ZMIZ1: variants seen among roughly 807,000 people sequenced by gnomAD.
ZMIZ1 encodes the protein zinc finger MIZ-type containing 1, also known as zinc finger MIZ domain-containing protein 1.
Under a neutral mutation model 113.9 loss-of-function variants are expected in ZMIZ1, and 17 were observed. The observed-to-expected ratio is 0.15, with a 90% CI of 0.10 to 0.22. ZMIZ1 has a LOEUF of 0.22. Ranked by LOEUF, ZMIZ1 falls within the 10% of genes least tolerant of loss-of-function variation. The pLI, the probability that ZMIZ1 is intolerant of heterozygous loss-of-function variation, is 1.00. For synonymous variants in ZMIZ1, 607 were observed against 603.1 expected, an observed-to-expected ratio of 1.01 and a Z score of -0.09; for missense variants, 1,059 against 1,477.8, an observed-to-expected ratio of 0.72 and a Z score of 4.65.
chr10:79,079,324 A>G (rs1291771163), intron 1 of ZMIZ1, among the ~76,000 whole-genome samples: 1 of 152,172 alleles, frequency 6.6e-6, no homozygotes, highest in Non-Finnish European at 1.5e-5. Context: ...GCCTTTGCAA[A>G]CGTGCACTTT....
chr10:79,296,432 A>G lies in ZMIZ1; in HGVS notation c.1231-39A>G. 6.2e-7 allele frequency: 1 copy of G among 1,610,408 alleles called. No individual in the cohort carries two copies. Among genetic ancestry groups the G allele is most frequent in the Non-Finnish European group, 8.5e-7 (1 of 1,177,520 alleles). On this transcript the variant is annotated intron_variant, in intron 12 of 24. Transcript: ENST00000334512. The surrounding 1 kb of genome is among the most constrained non-coding windows in gnomAD (Gnocchi z 4.1). ...GACCTGGCTATGTGACGTTGGCAAC[A>G]TTGAACGTGTTTCCCCTCTCCTTTC...
At chr10:79,086,636 C>T (rs567057361) in intron 1 of ZMIZ1, among the ~76,000 whole-genome samples, 1 of 152,330 alleles carries the variant, frequency 6.6e-6, no homozygotes, top group South Asian at 2.1e-4. Context: ...ACCTCTGCCT[C>T]CTGCTGGGAC....
At chr10:79,123,337 T>C (rs775004126) in intron 2 of ZMIZ1, among the ~76,000 whole-genome samples, 3 of 152,180 alleles carry the variant, frequency 2.0e-5, no homozygotes, top group African/African-American at 4.8e-5. Context: ...AGCGACTTCA[T>C]CTCTCTGTGC....
chr10:79,298,617 T>C, intron 15 of ZMIZ1, 37 bp downstream of exon 15: 1 of 1,557,886 alleles, frequency 6.4e-7, no homozygotes, highest in Non-Finnish European at 8.7e-7. Context: ...CAGCTCCACC[T>C]GGGCCCCCCA....
At chr10:79,308,401 C>G (rs1237276050) in intron 23 of ZMIZ1, among the ~76,000 whole-genome samples, 1 of 152,192 alleles carries the variant, frequency 6.6e-6, no homozygotes, top group Non-Finnish European at 1.5e-5. Context: ...TGTCTGAGGT[C>G]TCAGTCATTC....
chr10:79,103,167 C>T (rs557706932), intron 1 of ZMIZ1, among the ~76,000 whole-genome samples: 12 of 152,008 alleles, frequency 7.9e-5, no homozygotes, highest in Admixed American at 6.5e-4. Flanking sequence ...AGGTGGTGAG[C>T]GGGAACAGCA....
At chr10:79,199,326 T>C (rs970822441) in intron 4 of ZMIZ1, among the ~76,000 whole-genome samples, 5 of 151,854 alleles carry the variant, frequency 3.3e-5, no homozygotes, top group African/African-American at 7.3e-5. Context: ...GCTAACACAG[T>C]GAAACCCCGT....
At chr10:79,185,622 G>GT (rs1847321280) in intron 4 of ZMIZ1, among the ~76,000 whole-genome samples, 1 of 152,048 alleles carries the variant, frequency 6.6e-6, no homozygotes, top group Non-Finnish European at 1.5e-5. Context: ...CACAGCCTTT[G>GT]TATCTTCTCC....
intron 3 of ZMIZ1, among the ~76,000 whole-genome samples, chr10:79,155,621 G>T (rs1444319522): frequency 6.6e-6 from 1 of 152,234 alleles, no homozygotes; most frequent in Non-Finnish European, 1.5e-5. Context: ...GGGCGATGCT[G>T]CATGAGCTCT....
intron 4 of ZMIZ1, among the ~76,000 whole-genome samples, chr10:79,198,999 A>G (rs1589412989): frequency 6.6e-6 from 1 of 150,684 alleles, no homozygotes; most frequent in African/African-American, 2.4e-5. Flanking sequence ...ACGCCATTGC[A>G]CTCCGCCTGG....
At chr10:79,166,000 G>GTGTGTGTGTGTGTGTC (rs36040251) in intron 4 of ZMIZ1, among the ~76,000 whole-genome samples, 146 of 115,632 alleles carry the variant, frequency 1.3e-3, no homozygotes, top group Non-Finnish European at 1.9e-3. Flanking sequence ...GTGTGTGTGT[G>GTGTGTGTGTGTGTGTC]TGGGCTCTCC....
chr10:79,300,849 C>G lies in ZMIZ1; in HGVS notation c.1926C>G (p.Gly642=), dbSNP rs781574512. The G allele has an allele frequency of 1.2e-6, 2 of 1,613,592 alleles. No homozygotes were observed. The highest frequency in any genetic ancestry group is 2.2e-5 in the East Asian group (1 of 44,860). ...CCACGCCCCTCACCATTGAGCGCGG[C>G]GACAACAAGACCTCCCACAAGCCCC... The part of the protein sequence containing the change: ...VNATPLTIER[G]DNKTSHKPLH... Residue 642 remains glycine, a synonymous_variant, in exon 17 of 25, where the codon GGC becomes GGG. Transcript: ENST00000334512.
intron 4 of ZMIZ1, among the ~76,000 whole-genome samples, chr10:79,163,157 G>T (rs139092521): frequency 2.0e-5 from 3 of 152,252 alleles, no homozygotes; most frequent in Admixed American, 6.5e-5. Context: ...AGCCCGGGAG[G>T]GGGGAGTCTT....
intron 9 of ZMIZ1, 57 bp downstream of exon 9, chr10:79,289,946 C>T (rs945110034): frequency 1.3e-6 from 2 of 1,529,012 alleles, no homozygotes; most frequent in Admixed American, 1.7e-5. Context: ...TGTCCCTTGA[C>T]CCCTGGAGCC....
intron 7 of ZMIZ1, among the ~76,000 whole-genome samples, chr10:79,276,613 G>A (rs1852308562): frequency 6.6e-6 from 1 of 152,114 alleles, no homozygotes; most frequent in African/African-American, 2.4e-5. Flanking sequence ...TGTGTGCTAG[G>A]GGGCCAGTTT....
chr10:79,275,607 G>C (rs184141446), intron 7 of ZMIZ1, among the ~76,000 whole-genome samples: 2 of 152,242 alleles, frequency 1.3e-5, no homozygotes, highest in Non-Finnish European at 2.9e-5. Context: ...CCGGCCAAAC[G>C]TGGTGGCGTA....
chr10:79,288,329 A>G (rs1047045606), intron 8 of ZMIZ1, among the ~76,000 whole-genome samples: 2 of 151,926 alleles, frequency 1.3e-5, no homozygotes, highest in African/African-American at 4.8e-5. Flanking sequence ...CCTCCTCAGC[A>G]CCTCCATCCC....
At chr10:79,076,360 T>C (rs1270374857) in intron 1 of ZMIZ1, among the ~76,000 whole-genome samples, 1 of 152,126 alleles carries the variant, frequency 6.6e-6, no homozygotes, top group Non-Finnish European at 1.5e-5. Context: ...CAGCTGAACC[T>C]TGGGGGTGGG....
chr10:79,229,025 T>TAC (rs1849295433), intron 7 of ZMIZ1, among the ~76,000 whole-genome samples: 4 of 152,246 alleles, frequency 2.6e-5, no homozygotes, highest in Non-Finnish European at 1.5e-5. Flanking sequence ...CTCTGAGACC[T>TAC]ACTTGCTATG....
Sources: allele counts gnomAD v4.1 joint callset (sites outside exome capture counted in the v4.1 genomes callset), GRCh38; gene constraint gnomAD v4.1.1; non-coding constraint Gnocchi (gnomAD v3.1); transcripts MANE v1.5; gene names NCBI Gene and HGNC (gene_info 2026-07-23, HGNC 2026-07-21).